Variants in SACS observed in about 807,000 individuals in gnomAD.
SACS encodes the protein sacsin molecular chaperone.
A neutral mutation model predicts 348.0 loss-of-function variants in SACS; 197 were observed. The ratio of observed to expected loss-of-function variants is 0.57; its 90% CI spans 0.50 to 0.64. The LOEUF is 0.64. Ranked by LOEUF, SACS falls within the 30% of genes least tolerant of loss-of-function variation. The pLI, the probability that SACS is intolerant of heterozygous loss-of-function variation, is 0.00. For missense variants in SACS, 4,999 were observed against 5,360.8 expected (o/e 0.93, Z 2.11); for synonymous variants, 1,985 against 1,910.6 (o/e 1.04, Z -1.02).
chr13:23,355,163 G>T lies in SACS; in HGVS notation c.1449C>A (p.Asp483Glu). Residue 483 changes from aspartate (D) to glutamate (E), a missense_variant, in exon 8 of 10, where the codon GAC becomes GAA. Asp to Glu is a conservative substitution (Grantham distance 45, BLOSUM62 2). Around this residue, in one of 6 missense-constraint regions of SACS, gnomAD observed 3,156 missense variants for 3,380.1 expected, o/e 0.93. Coordinates refer to ENST00000382292, the MANE Select transcript of SACS (RefSeq NM_014363.6). ...NRRSIKWREL[D>E]QWRDPAALWN... ...ATAAGGCTGCCGGGTCTCTCCACTG[G>T]TCCAGCTCTCTCCATTTTATGCTCC... 6.2e-7 allele frequency: 1 copy of T among 1,614,138 alleles called. No homozygotes were observed. Among genetic ancestry groups the T allele is most frequent in the Non-Finnish European group, 8.5e-7 (1 of 1,180,038 alleles).
chr13:23,381,997 A>T (rs1296500563), intron 2 of SACS, among the ~76,000 whole-genome samples: 1 of 152,228 alleles, frequency 6.6e-6, no homozygotes, highest in Non-Finnish European at 1.5e-5. Flanking sequence ...TTAAAAGAGG[A>T]GCATGCTACA....
chr13:23,329,097 G>T lies in SACS; in HGVS notation c.*1039C>A. ...GAAATATGTTAAAGTAAAGAAGCATGGCGAGACAAACATGAATTAAATGTC... is the reference window on the plus strand; with the variant it reads ...GAAATATGTTAAAGTAAAGAAGCATTGCGAGACAAACATGAATTAAATGTC... On this transcript the variant is annotated 3_prime_UTR_variant, in exon 10 of 10. Transcript: ENST00000382292. 4.2e-6 allele frequency: 1 copy of T among 239,620 alleles called. No homozygotes were observed. Among genetic ancestry groups the T allele is most frequent in the Non-Finnish European group, 7.9e-6 (1 of 126,876 alleles). The allele number at this position is 239,620 out of a possible 1,614,324, so 14.8% of individuals were successfully genotyped here.
At chr13:23,394,997 A>T (rs1872656126) in intron 2 of SACS, among the ~76,000 whole-genome samples, 1 of 151,834 alleles carries the variant, frequency 6.6e-6, no homozygotes, top group South Asian at 2.1e-4. Flanking sequence ...CATGAGTCCA[A>T]CTCCTAAGCC....
At chr13:23,353,171 T>C (rs1296886499) in intron 9 of SACS, among the ~76,000 whole-genome samples, 1 of 152,218 alleles carries the variant, frequency 6.6e-6, no homozygotes, top group East Asian at 1.9e-4. Flanking sequence ...TGTCTTTTCC[T>C]AAAAGGACAC....
intron 1 of SACS, chr13:23,428,787 G>A (rs373279527): frequency 4.6e-5 from 7 of 152,292 alleles, no homozygotes; most frequent in African/African-American, 1.7e-4. Flanking sequence ...GCTGAAAGTT[G>A]CTCAAGAATA....
chr13:23,374,950 C>T (rs1409403780), intron 3 of SACS, among the ~76,000 whole-genome samples, 169 bp downstream of exon 3: 2 of 152,132 alleles, frequency 1.3e-5, no homozygotes, highest in South Asian at 2.1e-4. Flanking sequence ...GGGATGCAAA[C>T]GGAAAAGGCA....
At chr13:23,376,842 A>C (rs1871827520) in intron 2 of SACS, among the ~76,000 whole-genome samples, 3 of 152,248 alleles carry the variant, frequency 2.0e-5, no homozygotes, top group Admixed American at 2.0e-4. Context: ...ACTTGAGGTC[A>C]GGAGTTCGAG....
intron 1 of SACS, among the ~76,000 whole-genome samples, chr13:23,424,731 T>G (rs532335296): frequency 2.3e-4 from 35 of 152,344 alleles, no homozygotes; most frequent in African/African-American, 8.2e-4. Flanking sequence ...CTATCAGGCC[T>G]ATATATCAAC....
At chr13:23,424,860 T>A (rs548185438) in intron 1 of SACS, among the ~76,000 whole-genome samples, 1 of 152,348 alleles carries the variant, frequency 6.6e-6, no homozygotes, top group South Asian at 2.1e-4. Flanking sequence ...AAACACAGGT[T>A]TTGTAGAATC....
Position 23,337,857 on chromosome 13 carries a change from C to G in SACS, c.6019G>C (p.Ala2007Pro). The change falls in exon 10 of 10, where the codon GCA becomes CCA. Residue 2007 changes from alanine (A) to proline (P), a missense_variant. Physicochemically the swap from Ala to Pro is conservative, Grantham distance 27. This residue lies in a region of SACS where 3,156 missense variants were observed against 3,380.1 expected (regional missense o/e 0.93). Transcript: ENST00000382292. Reference sequence around the variant, plus strand: ...TATTTCAAAAATATCTTGAAGGCTGCTGAACCAACATCTCTTCTTTTAAGT... The same window carrying G: ...TATTTCAAAAATATCTTGAAGGCTGGTGAACCAACATCTCTTCTTTTAAGT... ...SILKRRDVGS[A>P]AFKIFLKYLK... 1 of 1,613,902 alleles carries G rather than the reference C, an allele frequency of 6.2e-7. No homozygotes were observed.
rs1873459529 is a variant in SACS, at chr13:23,411,029, G to T, written c.20+191C>A. ...GCAAAACTATCTGGGCAAAGTCAAA[G>T]AAATTATTTTTAACCCTTGGCTTGA... On this transcript the variant is annotated intron_variant, in intron 2 of 9. Transcript: ENST00000382292. Among the ~76,000 whole-genome samples, 3 of 152,270 alleles carry T rather than the reference G, an allele frequency of 2.0e-5. No individual in the cohort carries two copies. The South Asian group carries it at 6.2e-4, about 32-fold the overall frequency.
Position 23,331,461 on chromosome 13 carries a change from A to G in SACS, c.12415T>C (p.Leu4139=), listed in dbSNP as rs1883470496. 6.2e-7 allele frequency: 1 copy of G among 1,613,924 alleles called. No homozygotes were observed. Among genetic ancestry groups the G allele is most frequent in the Non-Finnish European group, 8.5e-7 (1 of 1,179,964 alleles). The part of the protein sequence containing the change: ...IYRIGEKLDS[L]GVKYDSSEPS... Reference sequence around the variant, plus strand: ...TCCGAAGAGTCATATTTCACTCCTAAACTGTCAAGTTTCTCACCAATCCTG... The same window carrying G: ...TCCGAAGAGTCATATTTCACTCCTAGACTGTCAAGTTTCTCACCAATCCTG... Residue 4139 remains leucine (L), a synonymous_variant, in exon 10 of 10, where the codon TTA becomes CTA. Coordinates refer to ENST00000382292, the MANE Select transcript of SACS (RefSeq NM_014363.6).
chr13:23,363,349 T>C (rs1167831038), intron 6 of SACS, among the ~76,000 whole-genome samples: 1 of 152,132 alleles, frequency 6.6e-6, no homozygotes, highest in Non-Finnish European at 1.5e-5. Flanking sequence ...TGCCTCAGCC[T>C]CCCAAGTAGC....
Position 23,354,841 on chromosome 13 carries a change from G to A in SACS, c.1771C>T (p.Leu591Phe), listed in dbSNP as rs567928059. The A allele has an allele frequency of 1.2e-6, 2 of 1,614,182 alleles. No individual in the cohort carries two copies. The highest frequency in any genetic ancestry group is 1.1e-5 in the South Asian group (1 of 91,086). ...TTCCCTGAGCTCTGGAGGTAGTTGA[G>A]CACAGTTTTTGTGTATTCTAAATTT... ...DENLEYTKTV[L>F]NYLQSSGKQI... Residue 591 changes from leucine (L) to phenylalanine (F), a missense_variant, in exon 8 of 10, where the codon CTC becomes TTC. By Grantham distance (22) the Leu-to-Phe change is conservative (BLOSUM62 0). Around this residue, in one of 6 missense-constraint regions of SACS, gnomAD observed 3,156 missense variants for 3,380.1 expected, o/e 0.93. Transcript: ENST00000382292.
Position 23,332,281 on chromosome 13 carries a change from C to T in SACS, c.11595G>A (p.Glu3865=). The T allele has an allele frequency of 1.9e-6, 3 of 1,613,880 alleles. No individual in the cohort carries two copies. The highest frequency in any genetic ancestry group is 2.5e-6 in the Non-Finnish European group (3 of 1,179,890). The stretch of plus-strand genomic sequence containing the variant: ...TTTCATTAGGATCTAATTGTTTGCC[C>T]TCAGAATTTTTAAATATGCGGCTCA... ...EVLSRIFKNS[E]GKQLDPNEMR... The change falls in exon 10 of 10, where the codon GAG becomes GAA. Residue 3865 remains glutamate, a synonymous_variant. Transcript: ENST00000382292.
At chr13:23,359,848 G>A (rs1870619957) in intron 6 of SACS, among the ~76,000 whole-genome samples, 1 of 152,126 alleles carries the variant, frequency 6.6e-6, no homozygotes, top group South Asian at 2.1e-4. Context: ...ACCCCCAGAA[G>A]CCTCTCCTCA....
rs1347411183 is a variant in SACS, at chr13:23,329,627, A to G, written c.*509T>C. The G allele has an allele frequency of 9.2e-6, 5 of 546,126 alleles. No individual in the cohort carries two copies. Among genetic ancestry groups the G allele is most frequent in the Non-Finnish European group, 1.6e-5 (5 of 313,734 alleles). The allele number at this position is 546,126 out of a possible 1,614,324, so 33.8% of individuals were successfully genotyped here. On this transcript the variant is annotated 3_prime_UTR_variant, in exon 10 of 10. Coordinates refer to ENST00000382292, the MANE Select transcript of SACS (RefSeq NM_014363.6). ...ATTTCTTAAATGCACTGAGTACAAC[A>G]TAAAATTACAACAAATTCATGATCA...
In SACS at chr13:23,355,718, A is replaced by T; in HGVS notation, c.894T>A (p.Ser298=). 1 of 1,614,234 alleles carries T rather than the reference A, an allele frequency of 6.2e-7. No individual in the cohort carries two copies. Among genetic ancestry groups the T allele is most frequent in the Non-Finnish European group, 8.5e-7 (1 of 1,180,048 alleles). ...NKQKVLELFE[S]FRADADTVLL... ...GCACTGTGTCTGCATCTGCCCTAAA[A>T]GACTCAAACAACTCAAGAACCTTCT... Residue 298 remains serine (S), a synonymous_variant, in exon 8 of 10, where the codon TCT becomes TCA. Coordinates refer to ENST00000382292, the MANE Select transcript of SACS (RefSeq NM_014363.6).
At chr13:23,356,060 T>C in intron 7 of SACS, 53 bp from the exon 8 acceptor site, 1 of 1,406,362 alleles carries the variant, frequency 7.1e-7, no homozygotes, top group Non-Finnish European at 9.9e-7. Context: ...GGGACAATTA[T>C]GATTACAATT....
Sources: allele counts gnomAD v4.1 joint callset (sites outside exome capture counted in the v4.1 genomes callset), GRCh38; gene constraint gnomAD v4.1.1; regional missense constraint gnomAD v4.1.1; transcripts MANE v1.5; gene names NCBI Gene and HGNC (gene_info 2026-07-23, HGNC 2026-07-21).